ANKS1B: variants seen among roughly 807,000 people sequenced by gnomAD.
The protein encoded by ANKS1B is ankyrin repeat and sterile alpha motif domain-containing protein 1B.
Under a neutral mutation model 148.3 loss-of-function variants are expected in ANKS1B, and 36 were observed. The observed-to-expected ratio is 0.24, with a 90% confidence interval of 0.19 to 0.32. ANKS1B has a LOEUF of 0.32. Ranked by LOEUF, ANKS1B falls within the 10% of genes least tolerant of loss-of-function variation. The pLI is 1.00. For missense variants in ANKS1B, 1,157 were observed against 1,542.6 expected (o/e 0.75, Z 4.19); for synonymous variants, 542 against 560.8 (o/e 0.97, Z 0.47).
chr12:99,755,071 T>A (rs995030194), intron 8 of ANKS1B, among the ~76,000 whole-genome samples: 19 of 149,464 alleles, frequency 1.3e-4, no homozygotes, highest in African/African-American at 3.2e-4. Context: ...AGCTGCTTTT[T>A]AAAAAAAAAA....
At chr12:99,464,960 C>A (rs186296094) in intron 10 of ANKS1B, among the ~76,000 whole-genome samples, 8 of 152,000 alleles carry the variant, frequency 5.3e-5, no homozygotes, top group African/African-American at 1.9e-4. Context: ...AGATACTCCT[C>A]GAGAAGAGCA....
At chr12:98,934,059 T>C (rs1597184304) in intron 17 of ANKS1B, among the ~76,000 whole-genome samples, 1 of 152,162 alleles carries the variant, frequency 6.6e-6, no homozygotes, top group South Asian at 2.1e-4. Context: ...TTTTGTGTCA[T>C]ACCCATGAAA....
At chr12:99,651,667 T>G (rs890875873) in intron 9 of ANKS1B, among the ~76,000 whole-genome samples, 2 of 152,200 alleles carry the variant, frequency 1.3e-5, no homozygotes, top group African/African-American at 4.8e-5. Context: ...CAAATCCTGA[T>G]GCTTATTACT....
chr12:99,841,066 G>A (rs999612592), intron 1 of ANKS1B, among the ~76,000 whole-genome samples: 22 of 152,136 alleles, frequency 1.4e-4, no homozygotes, highest in African/African-American at 4.6e-4. Context: ...CTCCCTAACT[G>A]CACCACCTTG....
intron 8 of ANKS1B, among the ~76,000 whole-genome samples, chr12:99,689,461 T>C (rs1306353028): frequency 6.6e-6 from 1 of 152,178 alleles, no homozygotes; most frequent in Non-Finnish European, 1.5e-5. Context: ...TGTATATTAA[T>C]CCTCCCCTCA....
chr12:99,757,435 TAAC>T (rs1327472716), intron 8 of ANKS1B, among the ~76,000 whole-genome samples: 8 of 151,688 alleles, frequency 5.3e-5, no homozygotes, highest in Admixed American at 5.3e-4. Flanking sequence ...GTAAAAAACA[TAAC>T]AGACGCTGGC....
At chr12:99,656,102 A>T (rs1369679772) in intron 8 of ANKS1B, among the ~76,000 whole-genome samples, 1 of 152,188 alleles carries the variant, frequency 6.6e-6, no homozygotes, top group Admixed American at 6.6e-5. Flanking sequence ...TTTTTGAAGA[A>T]GTTGAAGCAA....
intron 9 of ANKS1B, among the ~76,000 whole-genome samples, chr12:99,550,382 G>A (rs1348505075): frequency 1.3e-5 from 2 of 152,134 alleles, no homozygotes; most frequent in Non-Finnish European, 2.9e-5. Flanking sequence ...CCAACACTCT[G>A]GGAGGCTGAG....
rs562025546 is a variant in ANKS1B at position 98,887,577 on chromosome 12, TTTTC to T, written c.2779-55445_2779-55442del. 2.6e-4 allele frequency among the ~76,000 whole-genome samples: 39 copies of T among 152,230 alleles called. No homozygotes were observed. In the South Asian group the frequency reaches 5.8e-3, roughly 23 times the overall value. On this transcript the variant is annotated intron_variant, in intron 17 of 26. Transcript: ENST00000683438. Reference sequence around the variant, plus strand: ...ATTGGAAGTTCAACAATTATTTAGTTTTTCTTTATTTTTTTTCTGCTGTTAAATA... The same window carrying T: ...ATTGGAAGTTCAACAATTATTTAGTTTTTATTTTTTTTCTGCTGTTAAATA...
chr12:99,343,612 A>G (rs2090247249), intron 12 of ANKS1B: 1 of 152,016 alleles, frequency 6.6e-6, no homozygotes, highest in African/African-American at 2.4e-5. Context: ...CCATATAACC[A>G]TGCTAAAATC....
intron 1 of ANKS1B, among the ~76,000 whole-genome samples, chr12:99,937,836 T>C (rs1330256230): frequency 6.6e-6 from 1 of 152,078 alleles, no homozygotes; most frequent in East Asian, 1.9e-4. Context: ...CATTGTCTAG[T>C]AGGTGGGTGA....
chr12:99,827,583 C>T (rs1234707571), intron 1 of ANKS1B, among the ~76,000 whole-genome samples: 1 of 152,136 alleles, frequency 6.6e-6, no homozygotes, highest in Non-Finnish European at 1.5e-5. Context: ...GAGAGGTGGT[C>T]ATTTGTTTCA....
At chr12:99,662,453 A>G (rs1443295729) in intron 8 of ANKS1B, among the ~76,000 whole-genome samples, 3 of 152,194 alleles carry the variant, frequency 2.0e-5, no homozygotes, top group Non-Finnish European at 2.9e-5. Flanking sequence ...TGGCTAGTAC[A>G]TTGAATAACA....
chr12:98,919,064 C>CTTTGTAA (rs1252102391), intron 17 of ANKS1B, among the ~76,000 whole-genome samples: 1 of 151,942 alleles, frequency 6.6e-6, no homozygotes, highest in Non-Finnish European at 1.5e-5. Flanking sequence ...TGATATTTTC[C>CTTTGTAA]TTTGTAATTT....
chr12:99,588,142 GA>G (rs60518350), intron 9 of ANKS1B, among the ~76,000 whole-genome samples: 2,113 of 145,284 alleles, frequency 0.015, 52 homozygotes, highest in African/African-American at 0.049. Flanking sequence ...TCTGGAAACA[GA>G]AAAAAAAAAC....
intron 19 of ANKS1B, among the ~76,000 whole-genome samples, chr12:98,813,339 G>T (rs1392354291): frequency 6.7e-6 from 1 of 149,690 alleles, no homozygotes; most frequent in Non-Finnish European, 1.5e-5. Context: ...AGCCTCCCAA[G>T]GAGCTGGGAC....
intron 17 of ANKS1B, among the ~76,000 whole-genome samples, chr12:98,847,677 C>T (rs1167919496): frequency 1.3e-5 from 2 of 152,138 alleles, no homozygotes; most frequent in African/African-American, 4.8e-5. Flanking sequence ...CTCACTGCAA[C>T]TTCTGCCTCC....
intron 17 of ANKS1B, among the ~76,000 whole-genome samples, chr12:98,905,496 G>A (rs703699): frequency 0.15 from 22,214 of 152,126 alleles, 2,007 homozygotes; most frequent in Non-Finnish European, 0.21. Flanking sequence ...AGGGCTGGGC[G>A]CAAAGGCTCC....
At chr12:98,871,439 T>C (rs992641302) in intron 17 of ANKS1B, among the ~76,000 whole-genome samples, 5 of 152,210 alleles carry the variant, frequency 3.3e-5, no homozygotes, top group African/African-American at 1.2e-4. Flanking sequence ...TATCTGCATT[T>C]GACCAGTGAG....
Sources: allele counts gnomAD v4.1 joint callset (sites outside exome capture counted in the v4.1 genomes callset), GRCh38; gene constraint gnomAD v4.1.1; transcripts MANE v1.5; gene names NCBI Gene and HGNC (gene_info 2026-07-23, HGNC 2026-07-21).